DPYSL2: variants seen among roughly 807,000 people sequenced by gnomAD.
DPYSL2 encodes dihydropyrimidinase-related protein 2.
DPYSL2 carries 13 observed loss-of-function variants against 69.9 expected under a neutral mutation model. The ratio of observed to expected loss-of-function variants is 0.19; its 90% CI spans 0.12 to 0.30. The LOEUF (loss-of-function observed/expected upper bound fraction) is 0.30, where lower values mean the gene tolerates loss of function less well. Among genes scored for constraint, DPYSL2 ranks in the 10% least tolerant of loss-of-function variants. DPYSL2 has a pLI of 1.00. For missense variants in DPYSL2, 587 were observed against 918.9 expected, an observed-to-expected ratio of 0.64 and a Z score of 4.67; for synonymous variants, 326 against 359.1, an observed-to-expected ratio of 0.91 and a Z score of 1.04.
At chr8:26,556,144 G>GTATATACTATATATATTA (rs1800954013) in intron 1 of DPYSL2, among the ~76,000 whole-genome samples, 1 of 2,574 alleles carries the variant, frequency 3.9e-4, no homozygotes, top group Non-Finnish European at 6.1e-4. Flanking sequence ...ACTATATATA[G>GTATATACTATATATATTA]TATATACTAT....
chr8:26,535,861 G>A (rs1209812805), intron 1 of DPYSL2, among the ~76,000 whole-genome samples: 5 of 151,308 alleles, frequency 3.3e-5, no homozygotes, highest in African/African-American at 4.9e-5. Context: ...AAATTAATAC[G>A]ACTTTCTTCC....
chr8:26,563,175 T>G (rs6987950), intron 1 of DPYSL2, among the ~76,000 whole-genome samples: 15,565 of 152,228 alleles, frequency 0.1, 883 homozygotes, highest in Non-Finnish European at 0.12. Context: ...TTTGTGGCAC[T>G]GTTTTTAAAG....
At chr8:26,540,505 C>G (rs1800661504) in intron 1 of DPYSL2, among the ~76,000 whole-genome samples, 1 of 152,182 alleles carries the variant, frequency 6.6e-6, no homozygotes, top group Non-Finnish European at 1.5e-5. Flanking sequence ...ATCCAGATTT[C>G]TGAATCTCAA....
In DPYSL2 at chr8:26,598,581, T is replaced by TC. The variant is rs1360820537; in HGVS notation, c.628+14604dup. On this transcript the variant is annotated intron_variant, in intron 3 of 13. Transcript: ENST00000521913. The surrounding 1 kb of genome is among the most constrained non-coding windows in gnomAD (Gnocchi z 4.2). Reference sequence around the variant, plus strand: ...GTGCCCCCACCTTGGTGAGCACCTTTCCCCCCAGGCACAGTCCCTGCTTAC... The same window carrying TC: ...GTGCCCCCACCTTGGTGAGCACCTTTCCCCCCCAGGCACAGTCCCTGCTTAC... Among the ~76,000 whole-genome samples the TC allele has an allele frequency of 6.6e-6, 1 of 152,180 alleles. No individual in the cohort carries two copies. The highest frequency in any genetic ancestry group is 1.5e-5 in the Non-Finnish European group (1 of 68,032).
At chr8:26,542,280 C>T (rs1380672895) in intron 1 of DPYSL2, among the ~76,000 whole-genome samples, 5 of 151,914 alleles carry the variant, frequency 3.3e-5, no homozygotes, top group Non-Finnish European at 7.4e-5. Flanking sequence ...TCTGAGTGAC[C>T]TTGTTTCAAA....
In DPYSL2 at chr8:26,556,341, A is replaced by AG. The variant is rs1563385442; in HGVS notation, c.355-25628_355-25627insG. 0.012 allele frequency among the ~76,000 whole-genome samples: 110 copies of AG among 9,068 alleles called. 12 individuals are homozygous for AG. In the East Asian group the frequency reaches 0.21, roughly 18 times the overall value. The allele number at this position is 9,068 out of a possible 152,430, so 5.9% of individuals were successfully genotyped here. The stretch of plus-strand genomic sequence containing the variant: ...ACTATATATATAGTATATATATAGT[A>AG]TATATATATAGTATATATATATAGT... On this transcript the variant is annotated intron_variant, in intron 1 of 13. Transcript: ENST00000521913.
intron 1 of DPYSL2, among the ~76,000 whole-genome samples, chr8:26,551,914 A>G (rs751579791): frequency 2.2e-4 from 34 of 152,182 alleles, no homozygotes; most frequent in Non-Finnish European, 4.4e-4. Flanking sequence ...CCTGGGCTCA[A>G]GCAATTTTCC....
rs557105867 is a variant in DPYSL2, at chr8:26,614,451, T to C, written c.629-9692T>C. ...GTCCTTCAGGATCATTTTATCCGTA[T>C]CCCTTTCGTATCTTTTAGTGAGTTT... On this transcript the variant is annotated intron_variant, in intron 3 of 13. Coordinates refer to ENST00000521913, the MANE Select transcript of DPYSL2 (RefSeq NM_001197293.3). The surrounding 1 kb of genome is among the most constrained non-coding windows in gnomAD (Gnocchi z 4.9). Among the ~76,000 whole-genome samples the C allele has an allele frequency of 6.6e-6, 1 of 152,318 alleles. No homozygotes were observed. Among genetic ancestry groups the C allele is most frequent in the East Asian group, 1.9e-4 (1 of 5,184 alleles).
In DPYSL2 at chr8:26,517,966, T is replaced by C. The variant is rs905578473; in HGVS notation, c.354+3287T>C. ...CAACGTCATCCCTACTCCATCCCCA[T>C]AGCATGCCCCTTCTAGACCTTTCTT... is the stretch of plus-strand genomic sequence containing the variant. On this transcript the variant is annotated intron_variant, in intron 1 of 13. Coordinates refer to ENST00000521913, the MANE Select transcript of DPYSL2 (RefSeq NM_001197293.3). This position sits in a 1 kb window ranked among gnomAD's most constrained non-coding sequence, Gnocchi z 4.2. 6.6e-6 allele frequency among the ~76,000 whole-genome samples: 1 copy of C among 152,190 alleles called. No homozygotes were observed. The highest frequency in any genetic ancestry group is 1.5e-5 in the Non-Finnish European group (1 of 68,020).
intron 3 of DPYSL2, among the ~76,000 whole-genome samples, chr8:26,601,299 A>G (rs1196676517): frequency 2.0e-5 from 3 of 152,172 alleles, no homozygotes; most frequent in African/African-American, 7.2e-5. Context: ...GAGGACTCAG[A>G]TGATGGTCAT....
chr8:26,649,932 C>T, intron 11 of DPYSL2, among the ~76,000 whole-genome samples: 1 of 152,104 alleles, frequency 6.6e-6, no homozygotes, highest in East Asian at 1.9e-4. Context: ...GGGGCTGGTT[C>T]TTCCATCTTT....
intron 1 of DPYSL2, among the ~76,000 whole-genome samples, chr8:26,531,019 A>C (rs1024767407): frequency 6.7e-6 from 1 of 150,206 alleles, no homozygotes; most frequent in Non-Finnish European, 1.5e-5. Flanking sequence ...TGATTGTGTC[A>C]CTGCACTCCA....
intron 1 of DPYSL2, chr8:26,577,974 C>T: frequency 7.6e-7 from 1 of 1,310,076 alleles, no homozygotes; most frequent in Non-Finnish European, 9.7e-7. Flanking sequence ...ACCCCCTTCC[C>T]TCCTGTTTCT....
At chr8:26,526,137 C>T (rs938151238) in intron 1 of DPYSL2, among the ~76,000 whole-genome samples, 5 of 152,078 alleles carry the variant, frequency 3.3e-5, no homozygotes, top group African/African-American at 1.2e-4. Context: ...CTGTGTCACC[C>T]AGGCTGGAGT....
At chr8:26,550,845 G>A (rs1800863550) in intron 1 of DPYSL2, among the ~76,000 whole-genome samples, 1 of 152,184 alleles carries the variant, frequency 6.6e-6, no homozygotes, top group Non-Finnish European at 1.5e-5. Context: ...CCTGAGAGCT[G>A]GTGGGGAGAG....
At chr8:26,519,424 A>G (rs1250055162) in intron 1 of DPYSL2, among the ~76,000 whole-genome samples, 1 of 152,192 alleles carries the variant, frequency 6.6e-6, no homozygotes, top group Non-Finnish European at 1.5e-5. Context: ...TTTCAGTCCC[A>G]CTGCAGTCCT....
chr8:26,622,048 A>G (rs1160958311), intron 3 of DPYSL2, among the ~76,000 whole-genome samples: 1 of 151,918 alleles, frequency 6.6e-6, no homozygotes, highest in Admixed American at 6.6e-5. Context: ...ATTGCTACAC[A>G]GTGATATTTT....
intron 3 of DPYSL2, among the ~76,000 whole-genome samples, chr8:26,600,617 G>A (rs1296641220): frequency 2.0e-5 from 3 of 152,138 alleles, no homozygotes; most frequent in African/African-American, 7.2e-5. Flanking sequence ...GTTTGGGTGT[G>A]TTTTCCCTAC....
At chr8:26,534,402 A>AC (rs969322465) in intron 1 of DPYSL2, among the ~76,000 whole-genome samples, 12 of 148,966 alleles carry the variant, frequency 8.1e-5, no homozygotes, top group African/African-American at 1.5e-4. Context: ...CAAATGATCC[A>AC]CCCCCCTTAC....
Sources: allele counts gnomAD v4.1 joint callset (sites outside exome capture counted in the v4.1 genomes callset), GRCh38; gene constraint gnomAD v4.1.1; non-coding constraint Gnocchi (gnomAD v3.1); transcripts MANE v1.5; gene names NCBI Gene and HGNC (gene_info 2026-07-23, HGNC 2026-07-21).